The following ZFHX3 variants were observed in gnomAD, a reference collection of about 807,000 sequenced individuals.
ZFHX3 encodes the protein zinc finger homeobox protein 3.
ZFHX3 carries 42 observed loss-of-function variants against 279.1 expected under a neutral mutation model. That is an observed-to-expected ratio of 0.15 (90% CI 0.12 to 0.19). The LOEUF (loss-of-function observed/expected upper bound fraction) is 0.19, where lower values mean the gene tolerates loss of function less well. Ranked by LOEUF, ZFHX3 falls within the 10% of genes least tolerant of loss-of-function variation. The pLI, the probability that ZFHX3 is intolerant of heterozygous loss-of-function variation, is 1.00. For synonymous variants in ZFHX3, 2,293 were observed against 1,957.8 expected (o/e 1.17, Z -4.52); for missense variants, 4,981 against 4,754.0 (o/e 1.05, Z -1.40).
exon 1 of ZFHX3, chr16:73,058,890 G>C: frequency 6.0e-6 from 1 of 167,878 alleles, no homozygotes; most frequent in Non-Finnish European, 1.2e-5. Context: ...GGCGGCAGCG[G>C]CTCTAGGCTG....
chr16:72,949,929 T>TTTG (rs1454078107), intron 3 of ZFHX3, among the ~76,000 whole-genome samples: 3 of 142,484 alleles, frequency 2.1e-5, no homozygotes, highest in African/African-American at 7.9e-5. Flanking sequence ...TTTTTTTTTT[T>TTTG]GGTCAGATTC....
intron 5 of ZFHX3, among the ~76,000 whole-genome samples, chr16:72,823,513 G>C (rs574476514): frequency 1.8e-4 from 27 of 152,186 alleles, no homozygotes; most frequent in Non-Finnish European, 3.4e-4. Flanking sequence ...CAAGAACACA[G>C]AACTAGGTAA....
chr16:73,463,643 C>T (rs11644118), intron 2 of ZFHX3, among the ~76,000 whole-genome samples: 84,774 of 152,102 alleles, frequency 0.56, 29,117 homozygotes, highest in Non-Finnish European at 0.78. Context: ...CTCCCCCCAC[C>T]TTCCTATCAC....
At chr16:73,779,390 T>C (rs571940323) in intron 1 of ZFHX3, among the ~76,000 whole-genome samples, 1 of 149,168 alleles carries the variant, frequency 6.7e-6, no homozygotes, top group African/African-American at 2.5e-5. Flanking sequence ...ATGACAATGA[T>C]GAAGAAAGAG....
chr16:72,794,443 G>C lies in ZFHX3; in HGVS notation c.8239C>G (p.Leu2747Val). 1.7e-5 allele frequency: 27 copies of C among 1,614,114 alleles called. No individual in the cohort carries two copies. The highest frequency in any genetic ancestry group is 2.3e-5 in the Non-Finnish European group (27 of 1,180,010). The change falls in exon 9 of 10, where the codon CTG (leucine) becomes GTG (valine). Residue 2747 changes from leucine to valine, a missense_variant. Physicochemically the swap from Leu to Val is conservative, Grantham distance 32 (BLOSUM62 1). Around this residue, in one of 7 missense-constraint regions of ZFHX3, gnomAD observed 744 missense variants for 701.3 expected, o/e 1.06. Coordinates refer to ENST00000268489, the MANE Select transcript of ZFHX3 (RefSeq NM_006885.4). The surrounding 1 kb of genome is among the most constrained non-coding windows in gnomAD (Gnocchi z 4.2). ...EAKRAGYNLT[L>V]SAMLLDCDGG... Reference sequence around the variant, plus strand: ...TCACAGTCTAAGAGCATCGCAGACAGAGTTAGGTTGTAGCCAGCTCTCTTG... The same window carrying C: ...TCACAGTCTAAGAGCATCGCAGACACAGTTAGGTTGTAGCCAGCTCTCTTG...
intron 1 of ZFHX3, among the ~76,000 whole-genome samples, chr16:73,820,687 G>C (rs578223207): frequency 2.4e-4 from 36 of 152,072 alleles, no homozygotes; most frequent in African/African-American, 5.5e-4. Flanking sequence ...ACTCATGAGA[G>C]ATATATAATA....
chr16:73,186,668 G>A (rs535517526), intron 5 of ZFHX3, among the ~76,000 whole-genome samples: 3 of 150,178 alleles, frequency 2.0e-5, no homozygotes, highest in East Asian at 3.9e-4. Context: ...GTCGCATTTC[G>A]ATGTTTCATC....
chr16:73,638,203 A>G lies in ZFHX3; in HGVS notation c.-1547+41977T>C, dbSNP rs2052544986. Among the ~76,000 whole-genome samples, 6 of 152,344 alleles carry G rather than the reference A, an allele frequency of 3.9e-5. No individual in the cohort carries two copies. The South Asian group carries it at 1.2e-3, about 32-fold the overall frequency. On this transcript the variant is annotated intron_variant, in intron 2 of 17. Transcript: ENST00000641206. ...GAATGTAAAGTAAAGATATATGTAT[A>G]AGGATGCTCAATGATAGTTTAATTT...
intron 2 of ZFHX3, among the ~76,000 whole-genome samples, chr16:73,495,994 C>A (rs1039991460): frequency 2.6e-5 from 4 of 152,184 alleles, no homozygotes; most frequent in African/African-American, 7.2e-5. Context: ...GGAGCCTTAA[C>A]ATAAATATGA....
chr16:73,557,300 C>G (rs2020302429), intron 2 of ZFHX3, among the ~76,000 whole-genome samples: 1 of 152,062 alleles, frequency 6.6e-6, no homozygotes, highest in Non-Finnish European at 1.5e-5. Flanking sequence ...AATAAACAAT[C>G]TGTTAGTACT....
At chr16:73,327,182 G>T (rs1168637736) in intron 3 of ZFHX3, among the ~76,000 whole-genome samples, 2 of 152,288 alleles carry the variant, frequency 1.3e-5, no homozygotes, top group East Asian at 3.9e-4. Context: ...TGGCTTACTT[G>T]TTCTTGAGTT....
intron 3 of ZFHX3, among the ~76,000 whole-genome samples, chr16:72,890,807 G>A (rs1827649006): frequency 6.6e-6 from 1 of 152,250 alleles, no homozygotes. Context: ...TTGGAACACA[G>A]CCACGTCCAT....
At chr16:73,051,661 C>T (rs1240926898), upstream of ZFHX3, among the ~76,000 whole-genome samples, 1 of 152,150 alleles carries the variant, frequency 6.6e-6, no homozygotes, top group Non-Finnish European at 1.5e-5. Flanking sequence ...AACAAAGATA[C>T]AAATGAGTAA....
chr16:73,649,951 C>T (rs2052655424), intron 2 of ZFHX3, among the ~76,000 whole-genome samples: 1 of 152,186 alleles, frequency 6.6e-6, no homozygotes. Context: ...TGAGTCACGG[C>T]TCTAGCACTT....
chr16:73,784,796 A>AATAT lies in ZFHX3; in HGVS notation c.-1607-104560_-1607-104557dup, dbSNP rs1555501447. Among the ~76,000 whole-genome samples the AATAT allele has an allele frequency of 1.5e-3, 198 of 131,096 alleles. 2 individuals carry two copies. The highest frequency in any genetic ancestry group is 7.7e-3 in the East Asian group (35 of 4,526). The allele number at this position is 131,096 out of a possible 152,430, so 86.0% of individuals were successfully genotyped here. A position where few individuals can be genotyped will look rare whatever the true frequency, so the allele number is the denominator to read the frequency against. On this transcript the variant is annotated intron_variant, in intron 1 of 17. Coordinates refer to the ZFHX3 transcript ENST00000641206. ...CTATTTTTAACAAAATAAAAAAAAA[A>AATAT]ATATATATATATATATATATACACA...
chr16:73,460,882 T>G (rs2018459478), intron 2 of ZFHX3, among the ~76,000 whole-genome samples: 1 of 152,140 alleles, frequency 6.6e-6, no homozygotes, highest in South Asian at 2.1e-4. Flanking sequence ...CCCTTCGCCT[T>G]CCAACGTGAT....
chr16:72,928,389 C>T (rs1041302526), intron 3 of ZFHX3, among the ~76,000 whole-genome samples: 3 of 152,044 alleles, frequency 2.0e-5, no homozygotes, highest in Non-Finnish European at 4.4e-5. Flanking sequence ...GCTGTCCATG[C>T]ATCCAGGACT....
chr16:73,789,263 C>T (rs1959753603), intron 1 of ZFHX3, among the ~76,000 whole-genome samples: 1 of 152,018 alleles, frequency 6.6e-6, no homozygotes, highest in African/African-American at 2.4e-5. Flanking sequence ...TCACTATAAC[C>T]AACGCCTCCC....
At chr16:73,269,934 G>C (rs925138091) in intron 4 of ZFHX3, among the ~76,000 whole-genome samples, 4 of 152,022 alleles carry the variant, frequency 2.6e-5, no homozygotes, top group Non-Finnish European at 1.5e-5. Context: ...TTGTAGTAGA[G>C]ATGGAGTTTC....
Sources: gnomAD v4.1 joint callset for allele counts (sites outside exome capture counted in the v4.1 genomes callset) on GRCh38, gnomAD v4.1.1 for gene constraint, gnomAD v4.1.1 regional missense constraint, Gnocchi (gnomAD v3.1) non-coding constraint, MANE v1.5 for transcripts, NCBI Gene and HGNC (gene_info 2026-07-23, HGNC 2026-07-21) for gene names.